CHMP1A: variants seen among roughly 807,000 people sequenced by gnomAD.
CHMP1A encodes the protein VPS46 homolog A.
Under a neutral mutation model 27.0 loss-of-function variants are expected in CHMP1A, and 17 were observed. That is an observed-to-expected ratio of 0.63 (90% CI 0.43 to 0.95). The LOEUF (loss-of-function observed/expected upper bound fraction) is 0.95. Among genes scored for constraint, CHMP1A ranks in the 40% least tolerant of loss-of-function variants. The probability of loss-of-function intolerance (pLI) is 0.00; values close to 1 mark genes in which losing one functional copy is unlikely to be tolerated. For synonymous variants in CHMP1A, 131 were observed against 107.5 expected (o/e 1.22, Z -1.35); for missense variants, 275 against 264.0 (o/e 1.04, Z -0.29).
At chr16:89,654,018 G>A in intron 1 of CHMP1A, 95 bp from the exon 2 acceptor site, 1 of 1,309,626 alleles carries the variant, frequency 7.6e-7, no homozygotes, top group Non-Finnish European at 1.1e-6. Flanking sequence ...TAGACACCAG[G>A]AGCTAGAACA....
chr16:89,647,287 G>C lies in CHMP1A; in HGVS notation c.297C>G (p.Ala99=). Residue 99 remains alanine, a synonymous_variant, in exon 5 of 7, where the codon GCC becomes GCG. Transcript: ENST00000397901. ...MAQVTKALDK[A]LSTMDLQKVS... ...CCTTCTGCAGGTCCATGGTGCTCAG[G>C]GCCTTGTCCAGGGCTTTGGTCACCT... 6.2e-7 allele frequency: 1 copy of C among 1,612,166 alleles called. No individual in the cohort carries two copies. The highest frequency in any genetic ancestry group is 8.5e-7 in the Non-Finnish European group (1 of 1,179,180).
rs575385464 is a variant in CHMP1A, at chr16:89,657,706, G to T, written c.-118C>A. ...GCACCCGGCGGGGACTTCCGGGGTC[G>T]CCGCCCCACTTCCGGTCGCACGGGA... is the stretch of plus-strand genomic sequence containing the variant. On this transcript the variant is annotated 5_prime_UTR_variant, in exon 1 of 7. Coordinates refer to ENST00000397901, the MANE Select transcript of CHMP1A (RefSeq NM_002768.5). 1 of 1,551,190 alleles carries T rather than the reference G, an allele frequency of 6.4e-7. No homozygotes were observed. The highest frequency in any genetic ancestry group is 2.5e-5 in the East Asian group (1 of 40,358).
Position 89,649,370 on chromosome 16 carries a change from G to A in CHMP1A, c.233C>T (p.Thr78Ile). ...ACTCACCCCCTTCATAGTCACAGCT[G>A]TCTGCACCTTGGAGGCCACTGCGTC... Reference protein sequence around the residue: ...RVDAVASKVQTAVTMKGVTKN... With the variant: ...RVDAVASKVQIAVTMKGVTKN... The change falls in exon 4 of 7, where the codon ACA becomes ATA. Residue 78 changes from threonine (T) to isoleucine (I), a missense_variant. Coordinates refer to ENST00000397901, the MANE Select transcript of CHMP1A (RefSeq NM_002768.5). The A allele has an allele frequency of 1.9e-6, 3 of 1,613,412 alleles. No individual in the cohort carries two copies. Among genetic ancestry groups the A allele is most frequent in the Non-Finnish European group, 2.5e-6 (3 of 1,179,662 alleles).
intron 1 of CHMP1A, among the ~76,000 whole-genome samples, chr16:89,656,866 A>C (rs1429527752): frequency 6.6e-6 from 1 of 150,578 alleles, no homozygotes; most frequent in African/African-American, 2.4e-5. Flanking sequence ...CCTGACGCTG[A>C]GGAGTGCCAG....
At chr16:89,656,539 C>G (rs994020788) in intron 1 of CHMP1A, among the ~76,000 whole-genome samples, 4 of 152,192 alleles carry the variant, frequency 2.6e-5, no homozygotes, top group African/African-American at 9.7e-5. Context: ...CTTTGGTATC[C>G]CTGAGCACAC....
At chr16:89,649,686 C>T in intron 3 of CHMP1A, 189 bp from the exon 4 acceptor site, 1 of 619,008 alleles carries the variant, frequency 1.6e-6, no homozygotes, top group Non-Finnish European at 2.7e-6. Context: ...TGCCATTCTC[C>T]TGCCTCAGCC....
At chr16:89,653,318 C>G (rs551649421) in intron 2 of CHMP1A, among the ~76,000 whole-genome samples, 2 of 139,712 alleles carry the variant, frequency 1.4e-5, no homozygotes, top group East Asian at 2.7e-4. Context: ...CCCAAGTTGT[C>G]TTTCTTAAGA....
intron 1 of CHMP1A, 69 bp downstream of exon 1, chr16:89,657,513 G>A (rs1597796437): frequency 3.8e-6 from 6 of 1,580,982 alleles, no homozygotes; most frequent in Non-Finnish European, 5.2e-6. Flanking sequence ...GGTGGGCGGA[G>A]CCCACGCCAG....
At chr16:89,652,889 C>T (rs1040855598) in intron 2 of CHMP1A, among the ~76,000 whole-genome samples, 2 of 152,308 alleles carry the variant, frequency 1.3e-5, no homozygotes, top group African/African-American at 2.4e-5. Context: ...CCTGGATTAC[C>T]GGAAGCTGCA....
At position 89,657,572 on chromosome 16, in the gene CHMP1A, G is replaced by A. The variant is rs1009132177; in HGVS notation, c.7+10C>T. ...GCGCGAGTCCCCGGAGGACGGCCGC[G>A]ACCTCTTACCGTCCATGGCCACAAT... is the stretch of plus-strand genomic sequence containing the variant. On this transcript the variant is annotated intron_variant, in intron 1 of 6. Coordinates refer to ENST00000397901, the MANE Select transcript of CHMP1A (RefSeq NM_002768.5). 1 of 1,610,968 alleles carries A rather than the reference G, an allele frequency of 6.2e-7. No homozygotes were observed. Among genetic ancestry groups the A allele is most frequent in the Non-Finnish European group, 8.5e-7 (1 of 1,179,192 alleles).
intron 1 of CHMP1A, among the ~76,000 whole-genome samples, chr16:89,656,647 A>G (rs1224343862): frequency 6.6e-6 from 1 of 152,112 alleles, no homozygotes; most frequent in African/African-American, 2.4e-5. Flanking sequence ...GCTTCCCCAC[A>G]TGGAGAATGG....
At chr16:89,648,939 T>C (rs369820940) in intron 4 of CHMP1A, among the ~76,000 whole-genome samples, 57 of 150,068 alleles carry the variant, frequency 3.8e-4, no homozygotes, top group Non-Finnish European at 7.1e-4. Context: ...GCAGGAGGAT[T>C]GCTTGAGCCC....
At position 89,654,615 on chromosome 16, in the gene CHMP1A, G is replaced by A. The variant is rs147700733; in HGVS notation, c.8-692C>T. 2.4e-3 allele frequency among the ~76,000 whole-genome samples: 358 copies of A among 151,980 alleles called. 8 individuals carry two copies. The highest frequency in any genetic ancestry group is 0.021 in the Admixed American group (326 of 15,244). On this transcript the variant is annotated intron_variant, in intron 1 of 6. Transcript: ENST00000397901. ...GGTCAGGAGTTCCAGACCAGCCTAG[G>A]GAATATAGTCAGACCTCATCTCTAT...
At chr16:89,646,856 G>T in intron 5 of CHMP1A, 142 bp from the exon 6 acceptor site, 2 of 1,087,638 alleles carry the variant, frequency 1.8e-6, no homozygotes, top group Non-Finnish European at 2.7e-6. Context: ...GACTCTCTCT[G>T]TCTCACCTTC....
chr16:89,646,431 A>G, intron 6 of CHMP1A, 96 bp downstream of exon 6: 1 of 1,324,662 alleles, frequency 7.5e-7, no homozygotes, highest in Non-Finnish European at 1.0e-6. Context: ...GCCTCAGCCC[A>G]AGCTCTCCTC....
At chr16:89,647,582 GTGGAGAAAAGGCCGCCGACGT>G (rs2059786508) in intron 4 of CHMP1A, among the ~76,000 whole-genome samples, 1 of 144,776 alleles carries the variant, frequency 6.9e-6, no homozygotes, top group Admixed American at 7.1e-5. Context: ...TGCGGGGTCA[GTGGAGAAAAGGCCGCCGACGT>G]GGAGACCCAG....
chr16:89,649,823 G>A (rs546841100), intron 3 of CHMP1A, among the ~76,000 whole-genome samples: 7 of 152,302 alleles, frequency 4.6e-5, no homozygotes, highest in South Asian at 2.1e-4. Flanking sequence ...TGATCTGCCC[G>A]CCTCGGCCTC....
In CHMP1A at chr16:89,644,909, G is replaced by A. The variant is rs2059762153; in HGVS notation, c.*1157C>T. ...TTGGCAAAAACAAAAACAAAACCTGGAAGCCTCAAGACAATGAAGTAAACT... is the reference window on the plus strand; with the variant it reads ...TTGGCAAAAACAAAAACAAAACCTGAAAGCCTCAAGACAATGAAGTAAACT... On this transcript the variant is annotated 3_prime_UTR_variant, in exon 7 of 7. Coordinates refer to ENST00000397901, the MANE Select transcript of CHMP1A (RefSeq NM_002768.5). 6.6e-6 allele frequency: 1 copy of A among 152,642 alleles called. No individual in the cohort carries two copies. Among genetic ancestry groups the A allele is most frequent in the African/African-American group, 2.4e-5 (1 of 41,482 alleles). 9.5% of individuals were successfully genotyped at this position (152,642 alleles called of 1,614,324 possible). A position where few individuals can be genotyped will look rare whatever the true frequency, so the allele number is the denominator to read the frequency against.
In CHMP1A at chr16:89,644,709, A is replaced by C. The variant is rs1269714966; in HGVS notation, c.*1357T>G. On this transcript the variant is annotated 3_prime_UTR_variant, in exon 7 of 7. Coordinates refer to ENST00000397901, the MANE Select transcript of CHMP1A (RefSeq NM_002768.5). ...GCTCCCAAGTTCTGAAAAGAAAACC[A>C]AACGCAGTGAGCCCACGTCAGGGTC... is the stretch of plus-strand genomic sequence containing the variant. 1 of 152,336 alleles carries C rather than the reference A, an allele frequency of 6.6e-6. No individual in the cohort carries two copies. Among genetic ancestry groups the C allele is most frequent in the East Asian group, 1.9e-4 (1 of 5,196 alleles). 9.4% of individuals were successfully genotyped at this position (152,336 alleles called of 1,614,324 possible). A position where few individuals can be genotyped will look rare whatever the true frequency, so the allele number is the denominator to read the frequency against.
Sources: gnomAD v4.1 joint callset for allele counts (sites outside exome capture counted in the v4.1 genomes callset) on GRCh38, gnomAD v4.1.1 for gene constraint, MANE v1.5 for transcripts, NCBI Gene and HGNC (gene_info 2026-07-23, HGNC 2026-07-21) for gene names.